DIAPH3: variants seen among roughly 807,000 people sequenced by gnomAD.
DIAPH3 encodes the protein protein diaphanous homolog 3.
DIAPH3 carries 117 observed loss-of-function variants against 144.3 expected under a neutral mutation model. The observed-to-expected ratio is 0.81, with a 90% confidence interval of 0.70 to 0.95. The LOEUF is 0.95. Ranked by LOEUF, DIAPH3 falls within the 40% of genes least tolerant of loss-of-function variation. The probability of loss-of-function intolerance (pLI) is 0.00; values close to 1 mark genes in which losing one functional copy is unlikely to be tolerated. For synonymous variants in DIAPH3, 519 were observed against 488.9 expected, an observed-to-expected ratio of 1.06 and a Z score of -0.81; for missense variants, 1,421 against 1,412.7, an observed-to-expected ratio of 1.01 and a Z score of -0.09.
chr13:59,740,773 A>G (rs1205348933), intron 27 of DIAPH3, among the ~76,000 whole-genome samples: 1 of 152,206 alleles, frequency 6.6e-6, no homozygotes, highest in Non-Finnish European at 1.5e-5. Context: ...TTAGAGAAAA[A>G]ATATATTTAC....
chr13:59,852,818 A>C (rs1418851828), intron 22 of DIAPH3, among the ~76,000 whole-genome samples: 3 of 152,204 alleles, frequency 2.0e-5, no homozygotes, highest in Non-Finnish European at 4.4e-5. Flanking sequence ...TTCTGACAAT[A>C]CATATTAAAA....
intron 27 of DIAPH3, among the ~76,000 whole-genome samples, chr13:59,710,487 G>A (rs934251159): frequency 6.6e-6 from 1 of 152,244 alleles, no homozygotes. Context: ...TAATAAAATG[G>A]TGACTCATCT....
intron 27 of DIAPH3, among the ~76,000 whole-genome samples, chr13:59,688,856 C>T (rs966020982): frequency 2.0e-5 from 3 of 151,954 alleles, no homozygotes; most frequent in African/African-American, 7.2e-5. Flanking sequence ...ACAGGCCACA[C>T]TCATGCAGAT....
intron 4 of DIAPH3, among the ~76,000 whole-genome samples, chr13:60,071,999 A>G (rs1375616465): frequency 6.6e-6 from 1 of 151,814 alleles, no homozygotes; most frequent in African/African-American, 2.4e-5. Flanking sequence ...ACTGCTAATC[A>G]CCAAACATCT....
intron 17 of DIAPH3, among the ~76,000 whole-genome samples, chr13:59,963,833 G>C (rs2049906171): frequency 6.6e-6 from 1 of 152,150 alleles, no homozygotes; most frequent in South Asian, 2.1e-4. Flanking sequence ...ACTGAGATTA[G>C]AGGCATGAGC....
chr13:59,862,502 T>C (rs1418548998), intron 21 of DIAPH3, among the ~76,000 whole-genome samples: 1 of 152,050 alleles, frequency 6.6e-6, no homozygotes, highest in Non-Finnish European at 1.5e-5. Context: ...AGGTTGTGCC[T>C]GGGAAATGGG....
At chr13:59,670,707 C>A (rs867536558) in intron 27 of DIAPH3, among the ~76,000 whole-genome samples, 1 of 152,010 alleles carries the variant, frequency 6.6e-6, no homozygotes, top group South Asian at 2.1e-4. Context: ...CTCAGCCTCC[C>A]GAGTAGCTGG....
chr13:59,776,211 TATATAA>T (rs888547418), intron 25 of DIAPH3, among the ~76,000 whole-genome samples: 18 of 152,212 alleles, frequency 1.2e-4, no homozygotes, highest in African/African-American at 4.3e-4. Flanking sequence ...TATAAACAGA[TATATAA>T]ATATAAATAT....
At chr13:59,942,642 T>C (rs1473662362) in intron 17 of DIAPH3, among the ~76,000 whole-genome samples, 3 of 152,164 alleles carry the variant, frequency 2.0e-5, no homozygotes, top group African/African-American at 7.2e-5. Context: ...TGATAGTTAT[T>C]GTTAACAAAA....
intron 17 of DIAPH3, among the ~76,000 whole-genome samples, chr13:59,952,237 G>C (rs1451775061): frequency 6.6e-6 from 1 of 152,138 alleles, no homozygotes; most frequent in African/African-American, 2.4e-5. Flanking sequence ...ATTGCCAGGG[G>C]CTAGGGGAAG....
chr13:60,150,144 T>C (rs1951717561), intron 1 of DIAPH3, among the ~76,000 whole-genome samples: 1 of 152,040 alleles, frequency 6.6e-6, no homozygotes, highest in African/African-American at 2.4e-5. Flanking sequence ...ACCTCAGCCT[T>C]CCAAGCAGCT....
Position 59,911,747 on chromosome 13 carries a change from C to G in DIAPH3, c.2355G>C (p.Gln785His). ...ACTCGGTACTTACCACAACCACAAA[C>G]TGCTCAGGTTCACATAAGTTGCTAT... is the stretch of plus-strand genomic sequence containing the variant. ...SEYSNLCEPE[Q>H]FVVVMSNVKR... The change falls in exon 20 of 28, where the codon CAG becomes CAC. Residue 785 changes from glutamine to histidine, a missense_variant. Physicochemically the swap from Gln to His is conservative, Grantham distance 24 (BLOSUM62 0). Transcript: ENST00000400324. 1 of 1,613,376 alleles carries G rather than the reference C, an allele frequency of 6.2e-7. No homozygotes were observed. Among genetic ancestry groups the G allele is most frequent in the East Asian group, 2.2e-5 (1 of 44,768 alleles).
At chr13:59,992,383 A>C in intron 10 of DIAPH3, 90 bp downstream of exon 10, 2 of 1,207,912 alleles carry the variant, frequency 1.7e-6, no homozygotes, top group South Asian at 2.7e-5. Flanking sequence ...CCCACAGATA[A>C]ATTATTCTTC....
chr13:59,876,178 C>CT, intron 21 of DIAPH3, among the ~76,000 whole-genome samples: 2 of 152,106 alleles, frequency 1.3e-5, no homozygotes. Flanking sequence ...AAACCAAATG[C>CT]TTTATACTCA....
intron 1 of DIAPH3, among the ~76,000 whole-genome samples, chr13:60,159,883 C>T (rs1048071295): frequency 6.6e-6 from 1 of 152,152 alleles, no homozygotes; most frequent in Non-Finnish European, 1.5e-5. Flanking sequence ...GTATTACCAT[C>T]AATGCCCAAA....
intron 5 of DIAPH3, among the ~76,000 whole-genome samples, chr13:60,037,146 A>G (rs1048368910): frequency 5.3e-5 from 8 of 151,564 alleles, no homozygotes; most frequent in African/African-American, 1.9e-4. Context: ...TATAATAACA[A>G]AAAAAAAATT....
At chr13:60,083,231 A>C (rs1164589748) in intron 4 of DIAPH3, among the ~76,000 whole-genome samples, 2 of 152,094 alleles carry the variant, frequency 1.3e-5, no homozygotes, top group Non-Finnish European at 2.9e-5. Context: ...TAATGATATT[A>C]AAAATGATTG....
In DIAPH3 at chr13:59,972,399, T is replaced by A. The variant is rs532991666; in HGVS notation, c.1651-1239A>T. 5.9e-5 allele frequency among the ~76,000 whole-genome samples: 9 copies of A among 152,340 alleles called. No individual in the cohort carries two copies. The East Asian group carries it at 1.7e-3, about 29-fold the overall frequency. ...CTGGGTTAATAAATAACTTTTGTAA[T>A]ATGAGTAGCTTCTTGAAATTACAAA... On this transcript the variant is annotated intron_variant, in intron 15 of 27. Coordinates refer to ENST00000400324, the MANE Select transcript of DIAPH3 (RefSeq NM_001042517.2).
chr13:59,774,042 A>T, intron 27 of DIAPH3, 147 bp downstream of exon 27: 1 of 772,030 alleles, frequency 1.3e-6, no homozygotes, highest in Non-Finnish European at 2.1e-6. Context: ...CGAGTACGCA[A>T]TCTCATAGCA....
Sources: allele counts gnomAD v4.1 joint callset (sites outside exome capture counted in the v4.1 genomes callset), GRCh38; gene constraint gnomAD v4.1.1; transcripts MANE v1.5; gene names NCBI Gene and HGNC (gene_info 2026-07-23, HGNC 2026-07-21).